RABGAP1L: variants seen among roughly 807,000 people sequenced by gnomAD.
RABGAP1L encodes RAB GTPase activating protein 1 like, also known as rab GTPase-activating protein 1-like.
In RABGAP1L, 63 loss-of-function variants were observed where a neutral mutation model predicts 137.7. The observed-to-expected ratio is 0.46, with a 90% CI of 0.37 to 0.56. RABGAP1L has a LOEUF of 0.56. Ranked by LOEUF, RABGAP1L falls within the 20% of genes least tolerant of loss-of-function variation. The pLI, the probability that RABGAP1L is intolerant of heterozygous loss-of-function variation, is 0.00. For missense variants in RABGAP1L, 1,095 were observed against 1,244.0 expected, an observed-to-expected ratio of 0.88 and a Z score of 1.80; for synonymous variants, 431 against 433.7, an observed-to-expected ratio of 0.99 and a Z score of 0.08.
intron 19 of RABGAP1L, among the ~76,000 whole-genome samples, chr1:174,866,867 C>G (rs1012224456): frequency 2.0e-5 from 3 of 151,920 alleles, no homozygotes; most frequent in African/African-American, 7.3e-5. Context: ...GAGCTGTGAT[C>G]GTGCCACTGC....
At chr1:174,838,270 T>G (rs191744156) in intron 19 of RABGAP1L, among the ~76,000 whole-genome samples, 2 of 152,334 alleles carry the variant, frequency 1.3e-5, no homozygotes, top group Admixed American at 1.3e-4. Flanking sequence ...GAGGAAAGCT[T>G]AACAATTATA....
Position 174,327,983 on chromosome 1 carries a change from A to C in RABGAP1L, c.1465+22856A>C, listed in dbSNP as rs1447584581. 3.8e-4 allele frequency among the ~76,000 whole-genome samples: 8 copies of C among 21,236 alleles called. No homozygotes were observed. The East Asian group carries it at 0.012, about 32-fold the overall frequency. 13.9% of individuals were successfully genotyped at this position (21,236 alleles called of 152,430 possible). On this transcript the variant is annotated intron_variant, in intron 11 of 25. Transcript: ENST00000681986. Reference sequence around the variant, plus strand: ...TATATATATATATATATATATACACACACATATATATATATATATATATAT... The same window carrying C: ...TATATATATATATATATATATACACCCACATATATATATATATATATATAT...
At chr1:174,758,281 T>C (rs997827404) in intron 18 of RABGAP1L, among the ~76,000 whole-genome samples, 9 of 152,126 alleles carry the variant, frequency 5.9e-5, no homozygotes, top group Admixed American at 3.3e-4. Context: ...TCTTTTTTTT[T>C]CCTCACTCCT....
At chr1:174,320,339 T>C (rs1679835777) in intron 11 of RABGAP1L, among the ~76,000 whole-genome samples, 1 of 152,226 alleles carries the variant, frequency 6.6e-6, no homozygotes, top group Non-Finnish European at 1.5e-5. Flanking sequence ...TGGAATCACT[T>C]AGTACATAGT....
intron 13 of RABGAP1L, among the ~76,000 whole-genome samples, chr1:174,608,893 A>G (rs1260256500): frequency 6.6e-6 from 1 of 152,208 alleles, no homozygotes; most frequent in Non-Finnish European, 1.5e-5. Flanking sequence ...AAAAGAACAC[A>G]TGGTTTAGCT....
At chr1:174,672,702 T>G (rs1258639729) in intron 14 of RABGAP1L, among the ~76,000 whole-genome samples, 2 of 151,936 alleles carry the variant, frequency 1.3e-5, no homozygotes, top group Non-Finnish European at 2.9e-5. Flanking sequence ...ATTTATAATT[T>G]TTTCATTGAC....
intron 13 of RABGAP1L, among the ~76,000 whole-genome samples, chr1:174,487,694 C>T (rs1044449134): frequency 6.6e-6 from 1 of 151,604 alleles, no homozygotes; most frequent in Middle Eastern, 3.2e-3. Flanking sequence ...TCTTCTTATC[C>T]CTCTTTCCTT....
intron 14 of RABGAP1L, among the ~76,000 whole-genome samples, chr1:174,675,562 G>C (rs1265246031): frequency 6.6e-6 from 1 of 151,724 alleles, no homozygotes; most frequent in African/African-American, 2.4e-5. Context: ...GGATTGACTT[G>C]GCGATGCGGG....
intron 17 of RABGAP1L, among the ~76,000 whole-genome samples, chr1:174,733,532 G>A (rs1682684695): frequency 6.6e-6 from 1 of 152,174 alleles, no homozygotes; most frequent in African/African-American, 2.4e-5. Context: ...ACATTTCCAA[G>A]TTTACCCAAG....
intron 19 of RABGAP1L, among the ~76,000 whole-genome samples, chr1:174,903,937 C>T (rs539539201): frequency 8.8e-4 from 120 of 135,824 alleles, no homozygotes; most frequent in Non-Finnish European, 1.5e-3. Context: ...GCAACAAGAG[C>T]GAAACTCTGT....
In RABGAP1L at chr1:174,219,144, T is replaced by G; in HGVS notation, c.-14T>G. On this transcript the variant is annotated 5_prime_UTR_variant, in exon 2 of 26. Transcript: ENST00000681986. The stretch of plus-strand genomic sequence containing the variant: ...TTCCAGGTGGTTGTGGGAAGAGAAG[T>G]TTGCAGAACTGAAATGGAGGTCAGA... The G allele has an allele frequency of 6.3e-7, 1 of 1,581,634 alleles. No homozygotes were observed. Among genetic ancestry groups the G allele is most frequent in the Non-Finnish European group, 8.6e-7 (1 of 1,166,730 alleles).
chr1:174,738,426 T>C (rs1259335130), intron 17 of RABGAP1L, among the ~76,000 whole-genome samples: 2 of 152,216 alleles, frequency 1.3e-5, no homozygotes, highest in African/African-American at 4.8e-5. Flanking sequence ...TTTTTCTTAT[T>C]TGACTTCTCT....
At chr1:174,478,448 A>C (rs918165161) in intron 13 of RABGAP1L, among the ~76,000 whole-genome samples, 1 of 151,562 alleles carries the variant, frequency 6.6e-6, no homozygotes, top group African/African-American at 2.4e-5. Flanking sequence ...TTAAAAAAAA[A>C]ATTTTTTTTT....
intron 13 of RABGAP1L, among the ~76,000 whole-genome samples, chr1:174,404,261 T>G (rs1648996978): frequency 6.6e-6 from 1 of 152,158 alleles, no homozygotes; most frequent in Non-Finnish European, 1.5e-5. Context: ...AGAGAATATC[T>G]GAGGTGGGAC....
At chr1:174,184,164 G>A (rs576171827) in intron 1 of RABGAP1L, among the ~76,000 whole-genome samples, 39 of 152,232 alleles carry the variant, frequency 2.6e-4, no homozygotes, top group African/African-American at 8.2e-4. Context: ...ACCGTGCCCG[G>A]CAGATTGGCT....
At chr1:174,734,230 G>A (rs1256745243) in intron 17 of RABGAP1L, among the ~76,000 whole-genome samples, 5 of 152,192 alleles carry the variant, frequency 3.3e-5, no homozygotes, top group Non-Finnish European at 2.9e-5. Context: ...AGGCTAAAAC[G>A]TTGATTTGGG....
chr1:174,272,849 G>A (rs907101472), intron 8 of RABGAP1L, among the ~76,000 whole-genome samples: 2 of 151,948 alleles, frequency 1.3e-5, no homozygotes, highest in Non-Finnish European at 2.9e-5. Flanking sequence ...ATTAATTTGA[G>A]TTTGTGATGG....
At chr1:174,439,332 T>G (rs1653857402) in intron 13 of RABGAP1L, among the ~76,000 whole-genome samples, 2 of 152,210 alleles carry the variant, frequency 1.3e-5, no homozygotes, top group African/African-American at 4.8e-5. Context: ...ATTGACAACA[T>G]GAAATTGTTT....
intron 17 of RABGAP1L, among the ~76,000 whole-genome samples, chr1:174,714,653 G>A (rs1229943533): frequency 1.3e-5 from 2 of 152,254 alleles, no homozygotes; most frequent in East Asian, 1.9e-4. Context: ...AGTACAGTGG[G>A]GGTTTATTGT....
Sources: gnomAD v4.1 joint callset for allele counts (sites outside exome capture counted in the v4.1 genomes callset) on GRCh38, gnomAD v4.1.1 for gene constraint, MANE v1.5 for transcripts, NCBI Gene and HGNC (gene_info 2026-07-23, HGNC 2026-07-21) for gene names.